The following XKR3 variants were observed in gnomAD, a reference collection of about 807,000 sequenced individuals.
XKR3 encodes the protein XK related 3.
A neutral mutation model predicts 40.3 loss-of-function variants in XKR3; 27 were observed. The observed-to-expected ratio is 0.67, with a 90% CI of 0.49 to 0.92. XKR3 has a LOEUF of 0.92. Among genes scored for constraint, XKR3 ranks in the 40% least tolerant of loss-of-function variants. The pLI, the probability that XKR3 is intolerant of heterozygous loss-of-function variation, is 0.00. For missense variants in XKR3, 472 were observed against 537.6 expected (o/e 0.88, Z 1.21); for synonymous variants, 193 against 195.4 (o/e 0.99, Z 0.10).
chr22:16,808,398 T>C (rs2060199527), intron 1 of XKR3, among the ~76,000 whole-genome samples: 1 of 152,340 alleles, frequency 6.6e-6, no homozygotes, highest in East Asian at 1.9e-4. Context: ...TGTTCATTAC[T>C]CATAAGTTTT....
Position 16,807,698 on chromosome 22 carries a change from C to T in XKR3, c.335+41G>A. 3.4e-6 allele frequency: 5 copies of T among 1,477,616 alleles called. No individual in the cohort carries two copies. In the South Asian group the frequency reaches 6.8e-5, roughly 20 times the overall value. 91.5% of individuals were successfully genotyped at this position (1,477,616 alleles called of 1,614,324 possible). ...TAGCCATCTATTTATATTCAATTTA[C>T]TTGTTGGAGGCAGTGAATGAGAAAT... On this transcript the variant is annotated intron_variant, in intron 2 of 3. Coordinates refer to ENST00000684488, the MANE Select transcript of XKR3 (RefSeq NM_001386955.1).
intron 3 of XKR3, among the ~76,000 whole-genome samples, chr22:16,797,701 A>G (rs1167275623): frequency 2.0e-5 from 3 of 151,344 alleles, no homozygotes; most frequent in African/African-American, 4.9e-5. Flanking sequence ...GGTGAGGCAG[A>G]AGAATGGTGT....
In XKR3 at chr22:16,811,047, G is replaced by T. The variant is rs2060210240; in HGVS notation, c.-10-2964C>A. ...GTACATGGATATTTGTCTTTTCTCA[G>T]GTGAACTGTGGAAAACAATACGTGA... On this transcript the variant is annotated intron_variant, in intron 1 of 3. Transcript: ENST00000684488. Among the ~76,000 whole-genome samples, 2 of 151,654 alleles carry T rather than the reference G, an allele frequency of 1.3e-5. 1 individual carries two copies. The highest frequency in any genetic ancestry group is 1.3e-4 in the Admixed American group (2 of 15,236).
chr22:16,784,437 G>C, intron 3 of XKR3, 28 bp from the exon 4 acceptor site: 3 of 1,539,980 alleles, frequency 1.9e-6, no homozygotes, highest in Non-Finnish European at 2.6e-6. Flanking sequence ...GAAAATGTTA[G>C]AGAATATTTT....
intron 3 of XKR3, among the ~76,000 whole-genome samples, chr22:16,784,758 T>C (rs1299698890): frequency 1.3e-5 from 2 of 152,048 alleles, no homozygotes; most frequent in Non-Finnish European, 2.9e-5. Context: ...TATAAAGCAG[T>C]CTCAATTAAA....
chr22:16,798,605 A>C (rs543392849), intron 3 of XKR3, among the ~76,000 whole-genome samples: 176 of 152,342 alleles, frequency 1.2e-3, no homozygotes, highest in Admixed American at 1.9e-3. Flanking sequence ...GGATAAGGAA[A>C]ATAACTGATT....
chr22:16,814,564 G>A lies in XKR3; in HGVS notation c.-10-6481C>T, dbSNP rs187094402. 9.9e-4 allele frequency among the ~76,000 whole-genome samples: 151 copies of A among 152,036 alleles called. 1 individual carries two copies. The highest frequency in any genetic ancestry group is 1.6e-3 in the Non-Finnish European group (111 of 67,920). ...AATTGAAACTGTAGGTCAATTTTGCGGTGTTGTCACTTAATGTTATCTTCC... is the reference window on the plus strand; with the variant it reads ...AATTGAAACTGTAGGTCAATTTTGCAGTGTTGTCACTTAATGTTATCTTCC... On this transcript the variant is annotated intron_variant, in intron 1 of 3. Coordinates refer to ENST00000684488, the MANE Select transcript of XKR3 (RefSeq NM_001386955.1).
chr22:16,814,475 T>C (rs568973429), intron 1 of XKR3, among the ~76,000 whole-genome samples: 1 of 152,164 alleles, frequency 6.6e-6, no homozygotes, highest in Non-Finnish European at 1.5e-5. Flanking sequence ...TGAAAGTCCA[T>C]AAGAATAGTA....
chr22:16,818,817 A>T (rs1213802540), intron 1 of XKR3, among the ~76,000 whole-genome samples: 4 of 152,160 alleles, frequency 2.6e-5, no homozygotes, highest in Non-Finnish European at 4.4e-5. Flanking sequence ...AATAGTGGTT[A>T]AAGAGCCAGA....
chr22:16,803,227 T>C (rs1325795194), intron 2 of XKR3, among the ~76,000 whole-genome samples: 2 of 152,152 alleles, frequency 1.3e-5, no homozygotes, highest in South Asian at 2.1e-4. Context: ...TTAAAAATGC[T>C]ATAGCCTGTC....
chr22:16,802,567 G>A (rs2060173849), intron 2 of XKR3, among the ~76,000 whole-genome samples: 1 of 151,616 alleles, frequency 6.6e-6, no homozygotes, highest in African/African-American at 2.4e-5. Flanking sequence ...TTGGCTCACT[G>A]CAACCTCTCC....
chr22:16,783,711 C>T lies in XKR3; in HGVS notation c.1288G>A (p.Glu430Lys), dbSNP rs2146134654. Residue 430 changes from glutamate (E) to lysine (K), a missense_variant, in exon 4 of 4, where the codon GAA becomes AAA. Glu to Lys is a moderately conservative substitution (Grantham distance 56). Transcript: ENST00000684488. Reference sequence around the variant, plus strand: ...CTCAGCTGCTTATTTTTATTCTTTTCAGTTTTCTCGATGTTTACATAATAG... The same window carrying T: ...CTCAGCTGCTTATTTTTATTCTTTTTAGTTTTCTCGATGTTTACATAATAG... ...PYYYVNIEKT[E>K]KNKNKQLRNY... 1 of 1,613,904 alleles carries T rather than the reference C, an allele frequency of 6.2e-7. No homozygotes were observed. Among genetic ancestry groups the T allele is most frequent in the Non-Finnish European group, 8.5e-7 (1 of 1,179,972 alleles).
intron 3 of XKR3, among the ~76,000 whole-genome samples, chr22:16,798,040 C>A (rs1166549804): frequency 6.6e-6 from 1 of 151,586 alleles, no homozygotes; most frequent in Non-Finnish European, 1.5e-5. Context: ...ATTAGCTGGG[C>A]ATGTTGGCAC....
At chr22:16,821,651 G>A (rs1043836426) in intron 1 of XKR3, 3 of 152,042 alleles carry the variant, frequency 2.0e-5, no homozygotes, top group African/African-American at 4.8e-5. Context: ...GAGACAGTGG[G>A]AGGGAGTTTC....
At chr22:16,824,654 A>C (rs1429785469) in intron 1 of XKR3, among the ~76,000 whole-genome samples, 1 of 152,146 alleles carries the variant, frequency 6.6e-6, no homozygotes, top group Non-Finnish European at 1.5e-5. Context: ...TACATCCAAC[A>C]TTATAAGAAA....
At chr22:16,790,010 G>A (rs1336031956) in intron 3 of XKR3, among the ~76,000 whole-genome samples, 1 of 152,086 alleles carries the variant, frequency 6.6e-6, no homozygotes, top group Non-Finnish European at 1.5e-5. Flanking sequence ...GCAGTGGCGT[G>A]TACCTATAGT....
intron 2 of XKR3, 114 bp from the exon 3 acceptor site, chr22:16,800,138 G>T (rs552818007): frequency 2.5e-6 from 3 of 1,203,158 alleles, no homozygotes; most frequent in East Asian, 2.5e-5. Context: ...CTATCAAATG[G>T]CAAATATTAA....
At position 16,783,624 on chromosome 22, in the gene XKR3, A is replaced by G; in HGVS notation, c.1375T>C (p.Ser459Pro). The G allele has an allele frequency of 6.3e-7, 1 of 1,577,752 alleles. No homozygotes were observed. The highest frequency in any genetic ancestry group is 8.6e-7 in the Non-Finnish European group (1 of 1,165,588). Reference sequence around the variant, plus strand: ...TGAAAGTATATATGTATATTTTATGAACATGTCATACTTTTTCTGATTGAA... The same window carrying G: ...TGAAAGTATATATGTATATTTTATGGACATGTCATACTTTTTCTGATTGAA... ...YFSIRKSMTC[S>P] The change falls in exon 4 of 4, where the codon TCA (serine) becomes CCA (proline). Residue 459 changes from serine to proline, a missense_variant. Physicochemically the swap from Ser to Pro is moderately conservative, Grantham distance 74. Coordinates refer to ENST00000684488, the MANE Select transcript of XKR3 (RefSeq NM_001386955.1).
At chr22:16,797,936 G>A (rs1455306574) in intron 3 of XKR3, among the ~76,000 whole-genome samples, 2 of 151,922 alleles carry the variant, frequency 1.3e-5, no homozygotes, top group African/African-American at 4.8e-5. Flanking sequence ...CACTTTGGGA[G>A]GCTGAGGTGG....
Sources: allele counts gnomAD v4.1 joint callset (sites outside exome capture counted in the v4.1 genomes callset), GRCh38; gene constraint gnomAD v4.1.1; transcripts MANE v1.5; gene names NCBI Gene and HGNC (gene_info 2026-07-23, HGNC 2026-07-21).